Variants in CACNG2 observed in about 807,000 individuals in gnomAD.
The protein encoded by CACNG2 is calcium voltage-gated channel auxiliary subunit gamma 2, also known as voltage-dependent calcium channel gamma-2 subunit.
In CACNG2, 3 loss-of-function variants were observed where a neutral mutation model predicts 25.9. The observed-to-expected ratio is 0.12, with a 90% CI of 0.05 to 0.30. The LOEUF is 0.30. Among genes scored for constraint, CACNG2 ranks in the 10% least tolerant of loss-of-function variants. The pLI, the probability that CACNG2 is intolerant of heterozygous loss-of-function variation, is 1.00. For synonymous variants in CACNG2, 167 were observed against 173.3 expected (o/e 0.96, Z 0.29); for missense variants, 341 against 432.5 (o/e 0.79, Z 1.88).
At chr22:36,622,915 C>T (rs188272737) in intron 1 of CACNG2, among the ~76,000 whole-genome samples, 2,284 of 149,068 alleles carry the variant, frequency 0.015, 32 homozygotes, top group South Asian at 0.042. Context: ...GCCAAGATTG[C>T]GCCATTGCAC....
At chr22:36,610,699 G>C (rs1181961899) in intron 1 of CACNG2, among the ~76,000 whole-genome samples, 2 of 152,184 alleles carry the variant, frequency 1.3e-5, no homozygotes, top group African/African-American at 4.8e-5. Flanking sequence ...ATCCCCAGGA[G>C]GAATGGGGCT....
chr22:36,613,451 C>G (rs1652723473), intron 1 of CACNG2, among the ~76,000 whole-genome samples: 1 of 152,164 alleles, frequency 6.6e-6, no homozygotes, highest in Non-Finnish European at 1.5e-5. Context: ...AGTAATCTGA[C>G]CACCTGGCTT....
At chr22:36,578,222 C>G (rs1935357989) in intron 2 of CACNG2, among the ~76,000 whole-genome samples, 1 of 152,016 alleles carries the variant, frequency 6.6e-6, no homozygotes, top group Non-Finnish European at 1.5e-5. Context: ...AAAAAATTAG[C>G]TGGGTGTGAT....
chr22:36,665,954 C>T (rs1482729410), intron 1 of CACNG2, among the ~76,000 whole-genome samples: 1 of 152,182 alleles, frequency 6.6e-6, no homozygotes, highest in African/African-American at 2.4e-5. Context: ...ATAGCTAAAA[C>T]CCAATAGCAA....
Position 36,702,599 on chromosome 22 carries a change from C to G in CACNG2, c.-23G>C. Reference sequence around the variant, plus strand: ...CATAATTCTTCATTATATAAACACCCAACCGACTTCTGGTTCTCGGGAGAG... The same window carrying G: ...CATAATTCTTCATTATATAAACACCGAACCGACTTCTGGTTCTCGGGAGAG... On this transcript the variant is annotated 5_prime_UTR_variant, in exon 1 of 4. Transcript: ENST00000300105. 1.3e-6 allele frequency: 2 copies of G among 1,592,346 alleles called. No homozygotes were observed. The highest frequency in any genetic ancestry group is 4.5e-5 in the East Asian group (2 of 44,770).
At chr22:36,600,726 T>G (rs1231895490) in intron 1 of CACNG2, among the ~76,000 whole-genome samples, 1 of 152,066 alleles carries the variant, frequency 6.6e-6, no homozygotes, top group Non-Finnish European at 1.5e-5. Context: ...TTTGTATTTT[T>G]GGTAGAGATG....
rs1006060794 is a variant in CACNG2, at chr22:36,566,108, C to G, written c.436+245G>C. ...CCCTGAGAGGAAGCGGGCATTTGGG[C>G]CTTTTCTCAAGTGGTGGGAAGAAGA... On this transcript the variant is annotated intron_variant, in intron 3 of 3. Coordinates refer to ENST00000300105, the MANE Select transcript of CACNG2 (RefSeq NM_006078.5). Among the ~76,000 whole-genome samples the G allele has an allele frequency of 2.0e-5, 3 of 152,182 alleles. No individual in the cohort carries two copies. In the South Asian group the frequency reaches 6.2e-4, roughly 32 times the overall value.
intron 1 of CACNG2, among the ~76,000 whole-genome samples, chr22:36,597,839 G>A (rs925840052): frequency 1.3e-5 from 2 of 152,292 alleles, no homozygotes; most frequent in African/African-American, 2.4e-5. Flanking sequence ...CCCCAGTGGC[G>A]GGGGCCACAC....
chr22:36,648,796 G>A (rs183251092), intron 1 of CACNG2, among the ~76,000 whole-genome samples: 5 of 151,814 alleles, frequency 3.3e-5, no homozygotes, highest in African/African-American at 1.2e-4. Context: ...CTCCAATACC[G>A]ATCATATCCC....
chr22:36,621,600 G>T (rs1327658595), intron 1 of CACNG2, among the ~76,000 whole-genome samples: 1 of 139,444 alleles, frequency 7.2e-6, no homozygotes, highest in Non-Finnish European at 1.5e-5. Context: ...TGAAGATTAA[G>T]TATGAGGTGT....
intron 1 of CACNG2, among the ~76,000 whole-genome samples, chr22:36,625,901 A>T (rs1307859455): frequency 6.6e-6 from 1 of 152,070 alleles, no homozygotes; most frequent in Non-Finnish European, 1.5e-5. Context: ...CTACCTTGAA[A>T]CCTGGTTTTG....
At chr22:36,574,800 C>CAAAA (rs796378649) in intron 2 of CACNG2, among the ~76,000 whole-genome samples, 2,149 of 17,334 alleles carry the variant, frequency 0.12, 43 homozygotes, top group African/African-American at 0.22. Flanking sequence ...CAAAACAAAA[C>CAAAA]CAAAACAAAA....
rs949106614 is a variant in CACNG2 at position 36,686,553 on chromosome 22, C to T, written c.211+15813G>A. ...GCCTCCCAGAGCTGGGGATTCTATCCACCCTCAAAGAGGCAGCAGCAGAGG... is the reference window on the plus strand; with the variant it reads ...GCCTCCCAGAGCTGGGGATTCTATCTACCCTCAAAGAGGCAGCAGCAGAGG... On this transcript the variant is annotated intron_variant, in intron 1 of 3. Coordinates refer to ENST00000300105, the MANE Select transcript of CACNG2 (RefSeq NM_006078.5). Among the ~76,000 whole-genome samples, 14 of 152,286 alleles carry T rather than the reference C, an allele frequency of 9.2e-5. No homozygotes were observed. The South Asian group carries it at 2.5e-3, about 27-fold the overall frequency.
intron 1 of CACNG2, among the ~76,000 whole-genome samples, chr22:36,663,211 C>T (rs528509103): frequency 9.0e-4 from 137 of 152,224 alleles, no homozygotes; most frequent in African/African-American, 3.2e-3. Flanking sequence ...GGAGGACGTG[C>T]TCAGAAAACA....
At position 36,564,560 on chromosome 22, in the gene CACNG2, C is replaced by T; in HGVS notation, c.763G>A (p.Val255Met). 6.2e-7 allele frequency: 1 copy of T among 1,613,980 alleles called. No homozygotes were observed. The highest frequency in any genetic ancestry group is 8.5e-7 in the Non-Finnish European group (1 of 1,179,974). ...AGGGTGTTGAAGCCCTTGATGCCCA[C>T]GGGGGAGGCGTCCCTGGAGTGTGAG... ...EPSHSRDASP[V>M]GIKGFNTLPS... is the part of the protein sequence containing the mutation. The change falls in exon 4 of 4, where the codon GTG becomes ATG. Residue 255 changes from valine (V) to methionine (M), a missense_variant. Val to Met is a conservative substitution (Grantham distance 21, BLOSUM62 1). Around this residue, in one of 2 missense-constraint regions of CACNG2, gnomAD observed 172 missense variants for 178.1 expected, o/e 0.97. Transcript: ENST00000300105. This position sits in a 1 kb window ranked among gnomAD's most constrained non-coding sequence, Gnocchi z 6.7.
chr22:36,620,799 C>G (rs756409584), intron 1 of CACNG2, among the ~76,000 whole-genome samples: 1 of 152,226 alleles, frequency 6.6e-6, no homozygotes, highest in Non-Finnish European at 1.5e-5. Flanking sequence ...TTACCAGGTT[C>G]TGTCTTGTAT....
At chr22:36,619,595 T>C (rs1381952492) in intron 1 of CACNG2, among the ~76,000 whole-genome samples, 1 of 152,274 alleles carries the variant, frequency 6.6e-6, no homozygotes, top group African/African-American at 2.4e-5. Context: ...GTAATGTCAT[T>C]TGACATCAGT....
At chr22:36,688,748 G>A (rs1199822705) in intron 1 of CACNG2, among the ~76,000 whole-genome samples, 1 of 152,078 alleles carries the variant, frequency 6.6e-6, no homozygotes. Flanking sequence ...GAACCTGCTG[G>A]CCATGCTCTG....
rs1294829446 is a variant in CACNG2, at chr22:36,563,794, G to T, written c.*557C>A. The T allele has an allele frequency of 6.6e-6, 1 of 151,416 alleles. No homozygotes were observed. Among genetic ancestry groups the T allele is most frequent in the African/African-American group, 2.4e-5 (1 of 41,158 alleles). The allele number at this position is 151,416 out of a possible 1,614,324, so 9.4% of individuals were successfully genotyped here. A position where few individuals can be genotyped will look rare whatever the true frequency, so the allele number is the denominator to read the frequency against. On this transcript the variant is annotated 3_prime_UTR_variant, in exon 4 of 4. Coordinates refer to ENST00000300105, the MANE Select transcript of CACNG2 (RefSeq NM_006078.5). ...TCTCGCCCCCCAATCTCCCAGGGAG[G>T]CAGGGCCCGCTGGGGGTTAAAGGGA...
Sources: gnomAD v4.1 joint callset for allele counts (sites outside exome capture counted in the v4.1 genomes callset) on GRCh38, gnomAD v4.1.1 for gene constraint, gnomAD v4.1.1 regional missense constraint, Gnocchi (gnomAD v3.1) non-coding constraint, MANE v1.5 for transcripts, NCBI Gene and HGNC (gene_info 2026-07-23, HGNC 2026-07-21) for gene names.